PARVA: variants seen among roughly 807,000 people sequenced by gnomAD.
PARVA encodes the protein parvin alpha, also known as alpha-parvin.
PARVA carries 25 observed loss-of-function variants against 52.6 expected under a neutral mutation model. The observed-to-expected ratio is 0.48, with a 90% confidence interval of 0.35 to 0.66. The LOEUF (loss-of-function observed/expected upper bound fraction) is 0.66. Ranked by LOEUF, PARVA falls within the 30% of genes least tolerant of loss-of-function variation. PARVA has a pLI of 0.01. For synonymous variants in PARVA, 185 were observed against 179.1 expected (o/e 1.03, Z -0.26); for missense variants, 373 against 450.9 (o/e 0.83, Z 1.56).
At chr11:12,417,205 C>T (rs968261399) in intron 1 of PARVA, among the ~76,000 whole-genome samples, 31 of 152,046 alleles carry the variant, frequency 2.0e-4, no homozygotes, top group African/African-American at 6.5e-4. Flanking sequence ...AATAGTTGGA[C>T]GAGGTTGTAA....
chr11:12,500,296 G>A (rs768142823), intron 5 of PARVA, among the ~76,000 whole-genome samples: 4 of 152,110 alleles, frequency 2.6e-5, no homozygotes, highest in Admixed American at 6.5e-5. Flanking sequence ...TGAGGCCTGG[G>A]CGCTTACTCT....
intron 1 of PARVA, among the ~76,000 whole-genome samples, chr11:12,401,843 C>T (rs1939832727): frequency 6.6e-6 from 1 of 152,204 alleles, no homozygotes; most frequent in African/African-American, 2.4e-5. Context: ...ACTTACTGCA[C>T]AGTAGCTAAG....
intron 1 of PARVA, among the ~76,000 whole-genome samples, chr11:12,410,297 C>T (rs1939975171): frequency 1.3e-5 from 2 of 152,352 alleles, no homozygotes; most frequent in South Asian, 2.1e-4. Context: ...GCTCAGCCCA[C>T]AGGCCTCCTC....
chr11:12,387,859 G>T (rs1223561753), intron 1 of PARVA, among the ~76,000 whole-genome samples: 1 of 152,026 alleles, frequency 6.6e-6, no homozygotes, highest in Admixed American at 6.6e-5. Context: ...AAATGGCATG[G>T]TACGTATTTA....
chr11:12,511,695 C>T (rs138616361), intron 8 of PARVA, among the ~76,000 whole-genome samples, 162 bp downstream of exon 8: 2 of 151,964 alleles, frequency 1.3e-5, no homozygotes, highest in Non-Finnish European at 2.9e-5. Context: ...AGCTTACTGG[C>T]GGGAAGAAGA....
At chr11:12,392,842 A>G (rs950332360) in intron 1 of PARVA, among the ~76,000 whole-genome samples, 1 of 152,128 alleles carries the variant, frequency 6.6e-6, no homozygotes, top group African/African-American at 2.4e-5. Flanking sequence ...AAAGGTACAC[A>G]CTGGATCTCC....
chr11:12,419,092 TAA>T (rs1352347726), intron 1 of PARVA, among the ~76,000 whole-genome samples: 1 of 152,206 alleles, frequency 6.6e-6, no homozygotes, highest in Non-Finnish European at 1.5e-5. Context: ...TTTTTGGTTT[TAA>T]AAAAGTCTTT....
intron 1 of PARVA, among the ~76,000 whole-genome samples, chr11:12,438,164 G>T (rs1940414059): frequency 6.6e-6 from 1 of 151,834 alleles, no homozygotes; most frequent in African/African-American, 2.4e-5. Context: ...GGAGGCTGAG[G>T]CAGGAGAATG....
At chr11:12,399,001 T>TA (rs144445212) in intron 1 of PARVA, among the ~76,000 whole-genome samples, 3,074 of 152,308 alleles carry the variant, frequency 0.02, 114 homozygotes, top group African/African-American at 0.07. Flanking sequence ...GTTCTGTTTT[T>TA]ATCCCCATTT....
intron 12 of PARVA, 32 bp downstream of exon 12, chr11:12,518,549 A>C: frequency 6.7e-7 from 1 of 1,499,340 alleles, no homozygotes; most frequent in South Asian, 1.1e-5. Context: ...TTGTGACAAC[A>C]GAGTGAGACC....
intron 5 of PARVA, among the ~76,000 whole-genome samples, chr11:12,503,878 G>A (rs1941393544): frequency 6.6e-6 from 1 of 152,158 alleles, no homozygotes; most frequent in Non-Finnish European, 1.5e-5. Context: ...CTTGAGGCTG[G>A]GTAATTTATA....
At chr11:12,403,252 G>T (rs2134966710) in intron 1 of PARVA, among the ~76,000 whole-genome samples, 1 of 152,354 alleles carries the variant, frequency 6.6e-6, no homozygotes, top group East Asian at 1.9e-4. Flanking sequence ...ATAGGAGGAG[G>T]GGGAGAAGGA....
chr11:12,380,566 A>G (rs1939469524), intron 1 of PARVA, among the ~76,000 whole-genome samples: 1 of 150,950 alleles, frequency 6.6e-6, no homozygotes, highest in Admixed American at 6.6e-5. Flanking sequence ...GGGATCTGCA[A>G]TAGATAGGGG....
At chr11:12,448,397 G>A (rs114846930) in intron 1 of PARVA, among the ~76,000 whole-genome samples, 1 of 152,320 alleles carries the variant, frequency 6.6e-6, no homozygotes, top group African/African-American at 2.4e-5. Context: ...GCAGATGAGT[G>A]CGGCAGCAGT....
chr11:12,462,467 A>G (rs924690214), intron 1 of PARVA, among the ~76,000 whole-genome samples: 1 of 152,188 alleles, frequency 6.6e-6, no homozygotes, highest in Non-Finnish European at 1.5e-5. Context: ...TCCAGATGCT[A>G]GAAAAGGAAA....
intron 1 of PARVA, among the ~76,000 whole-genome samples, chr11:12,382,718 C>T (rs945651403): frequency 1.3e-5 from 2 of 152,176 alleles, no homozygotes; most frequent in Non-Finnish European, 2.9e-5. Flanking sequence ...TAGGATTAGA[C>T]ACATTTCAAT....
intron 1 of PARVA, among the ~76,000 whole-genome samples, chr11:12,416,829 T>C (rs1940073775): frequency 6.6e-6 from 1 of 151,434 alleles, no homozygotes; most frequent in East Asian, 1.9e-4. Context: ...GGCAGAGAGA[T>C]GGAAGGTGAG....
intron 1 of PARVA, among the ~76,000 whole-genome samples, chr11:12,461,687 G>A (rs796930573): frequency 2.6e-5 from 4 of 152,320 alleles, no homozygotes; most frequent in African/African-American, 9.6e-5. Context: ...GCATCACATG[G>A]TTGGCTAAAC....
At chr11:12,432,623 CA>C (rs1264815614) in intron 1 of PARVA, among the ~76,000 whole-genome samples, 3 of 152,036 alleles carry the variant, frequency 2.0e-5, no homozygotes, top group East Asian at 3.9e-4. Context: ...CAAACCAAAC[CA>C]AAAAATAACT....
Sources: gnomAD v4.1 joint callset for allele counts (sites outside exome capture counted in the v4.1 genomes callset) on GRCh38, gnomAD v4.1.1 for gene constraint, MANE v1.5 for transcripts, NCBI Gene and HGNC (gene_info 2026-07-23, HGNC 2026-07-21) for gene names.